Variants in ZMIZ1 observed in about 807,000 individuals in gnomAD.
ZMIZ1 encodes zinc finger MIZ-type containing 1, also known as zinc finger MIZ domain-containing protein 1.
Under a neutral mutation model 113.9 loss-of-function variants are expected in ZMIZ1, and 17 were observed. That is an observed-to-expected ratio of 0.15 (90% CI 0.10 to 0.22). The LOEUF (loss-of-function observed/expected upper bound fraction) is 0.22. Ranked by LOEUF, ZMIZ1 falls within the 10% of genes least tolerant of loss-of-function variation. The probability of loss-of-function intolerance (pLI) is 1.00; values close to 1 mark genes in which losing one functional copy is unlikely to be tolerated. For synonymous variants in ZMIZ1, 607 were observed against 603.1 expected, an observed-to-expected ratio of 1.01 and a Z score of -0.09; for missense variants, 1,059 against 1,477.8, an observed-to-expected ratio of 0.72 and a Z score of 4.65.
chr10:79,283,331 C>G (rs539165181), intron 8 of ZMIZ1, among the ~76,000 whole-genome samples: 10 of 152,278 alleles, frequency 6.6e-5, no homozygotes, highest in Non-Finnish European at 1.0e-4. Flanking sequence ...GGGTAACTGG[C>G]CAGTTACTTA....
At chr10:79,081,248 C>T (rs1663169385) in intron 1 of ZMIZ1, among the ~76,000 whole-genome samples, 1 of 152,200 alleles carries the variant, frequency 6.6e-6, no homozygotes, top group African/African-American at 2.4e-5. Context: ...TCGGAGACTT[C>T]TCTCTGGGCT....
chr10:79,205,941 TAAC>T (rs977559975), intron 5 of ZMIZ1, among the ~76,000 whole-genome samples: 3 of 151,774 alleles, frequency 2.0e-5, no homozygotes, highest in African/African-American at 2.4e-5. Flanking sequence ...TGTTAAAAAT[TAAC>T]AACAACAACA....
chr10:79,180,740 G>C (rs985616975), intron 4 of ZMIZ1, among the ~76,000 whole-genome samples: 4 of 152,184 alleles, frequency 2.6e-5, no homozygotes, highest in Non-Finnish European at 5.9e-5. Context: ...CTCTGCTCAG[G>C]GGGGATAAAG....
chr10:79,160,157 A>G (rs1443002384), intron 3 of ZMIZ1, among the ~76,000 whole-genome samples: 1 of 152,214 alleles, frequency 6.6e-6, no homozygotes, highest in Non-Finnish European at 1.5e-5. Context: ...ATGACCCCAG[A>G]TGAGGGCAAA....
Position 79,132,371 on chromosome 10 carries a change from C to G in ZMIZ1, c.-226-7311C>G, listed in dbSNP as rs942292377. 1.1e-3 allele frequency among the ~76,000 whole-genome samples: 173 copies of G among 152,332 alleles called. 1 individual carries two copies. The highest frequency in any genetic ancestry group is 4.0e-3 in the African/African-American group (167 of 41,580). ...CAGCCTTTTCGGCCGGGCTTTCTGT[C>G]TGTCTGAGCCCAGGTCCTCGTGCAG... On this transcript the variant is annotated intron_variant, in intron 2 of 24. Transcript: ENST00000334512.
intron 4 of ZMIZ1, among the ~76,000 whole-genome samples, chr10:79,199,019 C>T (rs569079531): frequency 4.2e-4 from 61 of 145,180 alleles, no homozygotes; most frequent in Non-Finnish European, 5.9e-4. Flanking sequence ...GGCAACAGAG[C>T]GAGACTCAGT....
intron 5 of ZMIZ1, among the ~76,000 whole-genome samples, chr10:79,202,846 C>T (rs557189978): frequency 5.3e-5 from 8 of 152,258 alleles, no homozygotes; most frequent in Non-Finnish European, 1.0e-4. Flanking sequence ...TGGTGTCAGA[C>T]GCCTTGGACC....
intron 4 of ZMIZ1, among the ~76,000 whole-genome samples, chr10:79,186,407 G>A (rs937810204): frequency 2.0e-5 from 3 of 152,250 alleles, no homozygotes; most frequent in Non-Finnish European, 4.4e-5. Context: ...GTCCCAGGCT[G>A]TGTGCCTGCT....
At chr10:79,291,260 G>C in intron 10 of ZMIZ1, 84 bp downstream of exon 10, 1 of 1,413,444 alleles carries the variant, frequency 7.1e-7, no homozygotes. Context: ...TTAAATCCCA[G>C]CTCCACGCTT....
At chr10:79,078,570 C>CTTTTTTTT (rs34178865) in intron 1 of ZMIZ1, among the ~76,000 whole-genome samples, 1 of 87,804 alleles carries the variant, frequency 1.1e-5, no homozygotes, top group South Asian at 4.6e-4. Flanking sequence ...CCACCCCCGA[C>CTTTTTTTT]TTTTTTTTTT....
intron 7 of ZMIZ1, among the ~76,000 whole-genome samples, chr10:79,238,761 AC>A (rs1564542547): frequency 6.6e-6 from 1 of 152,010 alleles, no homozygotes; most frequent in African/African-American, 2.4e-5. Flanking sequence ...AATTGTCTAA[AC>A]CTCCCTGCGC....
At chr10:79,122,548 C>G (rs558835034) in intron 2 of ZMIZ1, among the ~76,000 whole-genome samples, 1 of 152,138 alleles carries the variant, frequency 6.6e-6, no homozygotes, top group Non-Finnish European at 1.5e-5. Context: ...TTGGCAGACT[C>G]ACTCCTGCAG....
At chr10:79,218,549 G>C (rs1337960792) in intron 7 of ZMIZ1, among the ~76,000 whole-genome samples, 4 of 151,608 alleles carry the variant, frequency 2.6e-5, no homozygotes, top group African/African-American at 9.7e-5. Flanking sequence ...CCCTAGTCTA[G>C]AGGGAGAGGA....
At chr10:79,207,136 C>T (rs921021450) in intron 5 of ZMIZ1, among the ~76,000 whole-genome samples, 11 of 152,218 alleles carry the variant, frequency 7.2e-5, no homozygotes, top group Non-Finnish European at 1.0e-4. Context: ...CTGGGCCCTG[C>T]GGCTCCTAGG....
intron 7 of ZMIZ1, among the ~76,000 whole-genome samples, chr10:79,230,827 G>C (rs902270263): frequency 5.9e-5 from 9 of 152,314 alleles, no homozygotes; most frequent in African/African-American, 2.2e-4. Flanking sequence ...TCTGTGCCTA[G>C]TTCTCCTCCC....
intron 1 of ZMIZ1, among the ~76,000 whole-genome samples, chr10:79,078,893 A>G (rs1446677382): frequency 6.6e-6 from 1 of 151,724 alleles, no homozygotes; most frequent in Non-Finnish European, 1.5e-5. Flanking sequence ...AGACCAATAG[A>G]CCATTTTGGG....
rs142081906 is a variant in ZMIZ1, at chr10:79,314,725, A to G, written c.*1976A>G. The G allele has an allele frequency of 1.4e-3, 238 of 172,770 alleles. 1 individual carries two copies. The highest frequency in any genetic ancestry group is 5.5e-3 in the African/African-American group (230 of 41,608). The allele number at this position is 172,770 out of a possible 1,614,324, so 10.7% of individuals were successfully genotyped here. On this transcript the variant is annotated 3_prime_UTR_variant, in exon 25 of 25. Transcript: ENST00000334512. ...AAAAAAAGCAACCAGGGCTATTTGTACAGTTGAAGGGGTGAACAGAATGGG... is the reference window on the plus strand; with the variant it reads ...AAAAAAAGCAACCAGGGCTATTTGTGCAGTTGAAGGGGTGAACAGAATGGG...
At chr10:79,093,253 A>C (rs1843047672) in intron 1 of ZMIZ1, among the ~76,000 whole-genome samples, 2 of 149,604 alleles carry the variant, frequency 1.3e-5, no homozygotes, top group South Asian at 4.3e-4. Flanking sequence ...GTTCTGAAGA[A>C]CCCTACGCGG....
intron 2 of ZMIZ1, among the ~76,000 whole-genome samples, chr10:79,123,812 G>T (rs1844401400): frequency 6.6e-6 from 1 of 152,214 alleles, no homozygotes; most frequent in Non-Finnish European, 1.5e-5. Flanking sequence ...TTTGGGGCTG[G>T]CCATGAAGAC....
Sources: gnomAD v4.1 joint callset for allele counts (sites outside exome capture counted in the v4.1 genomes callset) on GRCh38, gnomAD v4.1.1 for gene constraint, MANE v1.5 for transcripts, NCBI Gene and HGNC (gene_info 2026-07-23, HGNC 2026-07-21) for gene names.